Variants in ASB9 observed in about 807,000 individuals in gnomAD.
The protein encoded by ASB9 is ankyrin repeat and SOCS box containing 9.
A neutral mutation model predicts 16.6 loss-of-function variants in ASB9; 5 were observed. The ratio of observed to expected loss-of-function variants is 0.30; its 90% confidence interval spans 0.16 to 0.63. The LOEUF is 0.63. Among genes scored for constraint, ASB9 ranks in the 30% least tolerant of loss-of-function variants. The pLI is 0.82. For missense variants in ASB9, 216 were observed against 229.4 expected (o/e 0.94, Z 0.38); for synonymous variants, 100 against 86.4 (o/e 1.16, Z -0.87).
At chrX:15,255,886 CA>C (rs1263670517) in intron 2 of ASB9, among the ~76,000 whole-genome samples, 1 of 111,645 alleles carries the variant, frequency 9.0e-6, no homozygotes, top group Admixed American at 9.6e-5. Context: ...GCTCTTTAAA[CA>C]TAAGTATTTA....
intron 2 of ASB9, among the ~76,000 whole-genome samples, chrX:15,255,190 AATG>A (rs1398969945): frequency 9.0e-6 from 1 of 111,476 alleles, no homozygotes; most frequent in Non-Finnish European, 1.9e-5. Context: ...AAACAAACCA[AATG>A]TCCATCAACA....
At chrX:15,252,746 T>G (rs900421947) in intron 3 of ASB9, among the ~76,000 whole-genome samples, 1 of 112,465 alleles carries the variant, frequency 8.9e-6, no homozygotes, top group Admixed American at 9.4e-5. Flanking sequence ...TCTTAACGGG[T>G]GCAAGAAGAT....
At chrX:15,246,716 A>T (rs1422540073) in intron 6 of ASB9, among the ~76,000 whole-genome samples, 1 of 110,432 alleles carries the variant, frequency 9.1e-6, no homozygotes, top group East Asian at 2.9e-4. Flanking sequence ...TGAACTCATG[A>T]TCCACCCACC....
intron 1 of ASB9, 161 bp from the exon 2 acceptor site, chrX:15,259,106 T>A (rs1925788799): frequency 2.7e-6 from 1 of 371,937 alleles, no homozygotes; most frequent in East Asian, 4.0e-5. Flanking sequence ...CTCTTCTTTA[T>A]TAATATTTTT....
intron 1 of ASB9, among the ~76,000 whole-genome samples, chrX:15,269,378 T>C (rs1002084184): frequency 1.5e-4 from 17 of 111,886 alleles, no homozygotes; most frequent in South Asian, 7.5e-4. Context: ...TGCTCAATGT[T>C]TGAACATCTT....
chrX:15,258,894 T>C lies in ASB9; in HGVS notation c.146A>G (p.Gln49Arg). 2.5e-6 allele frequency: 3 copies of C among 1,211,349 alleles called. No homozygotes were observed. The highest frequency in any genetic ancestry group is 3.4e-6 in the Non-Finnish European group (3 of 894,883). ...GCTGATGAGGTTCCTCAGAGACAGC[T>C]GATGTCCGTGGATTGCAGCTTCATG... Reference protein sequence around the residue: ...PMHEAAIHGHQLSLRNLISQG... With the variant: ...PMHEAAIHGHRLSLRNLISQG... The change falls in exon 2 of 7, where the codon CAG (glutamine) becomes CGG (arginine). Residue 49 changes from glutamine to arginine, a missense_variant. By Grantham distance (43) the Gln-to-Arg change is conservative (BLOSUM62 1). Coordinates refer to ENST00000380488, the MANE Select transcript of ASB9 (RefSeq NM_001031739.3).
rs1005647765 is a variant in ASB9 at position 15,248,938 on chromosome X, A to G, written c.569-3T>C. 8.6e-7 allele frequency: 1 copy of G among 1,165,366 alleles called. No individual in the cohort carries two copies. ...TTTCCCTTGGTTCACGTCCGCTCCTAAACAGTCACGAGAACAAAAAAGAGT... is the reference window on the plus strand; with the variant it reads ...TTTCCCTTGGTTCACGTCCGCTCCTGAACAGTCACGAGAACAAAAAAGAGT... On this transcript the variant is annotated splice_region_variant and splice_polypyrimidine_tract_variant and intron_variant, in intron 5 of 6. Transcript: ENST00000380488.
intron 1 of ASB9, among the ~76,000 whole-genome samples, chrX:15,267,973 G>GAA (rs1926666245): frequency 9.1e-6 from 1 of 110,373 alleles, no homozygotes; most frequent in Non-Finnish European, 1.9e-5. Flanking sequence ...CAGTCAAAGG[G>GAA]AAGACGTTTT....
At chrX:15,245,306 G>C (rs1924566956) in intron 6 of ASB9, among the ~76,000 whole-genome samples, 1 of 111,077 alleles carries the variant, frequency 9.0e-6, no homozygotes, top group South Asian at 3.8e-4. Context: ...AGACATTTTT[G>C]GTTGCCAAAA....
rs746031297 is a variant in ASB9, at chrX:15,269,835, C to T, written c.40G>A (p.Ala14Thr). Residue 14 changes from alanine to threonine, a missense_variant, in exon 1 of 7, where the codon GCG becomes ACG. Coordinates refer to ENST00000380488, the MANE Select transcript of ASB9 (RefSeq NM_001031739.3). ...KQGGMDGSKP[A>T]GPRDFPGIRL... ...ATGCCAGGAAAGTCCCTTGGCCCCG[C>T]GGGCTTGCTCCCATCCATGCCCCCT... 1.3e-5 allele frequency: 16 copies of T among 1,205,579 alleles called. No individual in the cohort carries two copies. Among genetic ancestry groups the T allele is most frequent in the Admixed American group, 1.1e-4 (5 of 45,084 alleles).
chrX:15,247,079 A>G (rs1316192909), intron 6 of ASB9, among the ~76,000 whole-genome samples: 1 of 111,705 alleles, frequency 9.0e-6, no homozygotes, highest in Non-Finnish European at 1.9e-5. Context: ...CTTCCCCAGG[A>G]AACGGAGAAA....
chrX:15,244,755 C>T, intron 6 of ASB9, 125 bp from the exon 7 acceptor site: 1 of 750,352 alleles, frequency 1.3e-6, no homozygotes, highest in Non-Finnish European at 1.8e-6. Context: ...CTATTTAAGA[C>T]CATTTTCTGG....
Position 15,258,922 on chromosome X carries a change from T to C in ASB9, c.118A>G (p.Met40Val). 8.3e-7 allele frequency: 1 copy of C among 1,209,329 alleles called. No homozygotes were observed. The highest frequency in any genetic ancestry group is 1.1e-6 in the Non-Finnish European group (1 of 893,308). The change falls in exon 2 of 7, where the codon ATG becomes GTG. Residue 40 changes from methionine to valine, a missense_variant. Coordinates refer to ENST00000380488, the MANE Select transcript of ASB9 (RefSeq NM_001031739.3). The stretch of plus-strand genomic sequence containing the variant: ...TGTCCGTGGATTGCAGCTTCATGCA[T>C]AGGAGACCAATCAGACACAGCATCT... ...MGDAVSDWSP[M>V]HEAAIHGHQL...
chrX:15,252,496 TC>T, intron 3 of ASB9, 92 bp from the exon 4 acceptor site: 7 of 878,188 alleles, frequency 8.0e-6, no homozygotes, highest in Non-Finnish European at 1.1e-5. Flanking sequence ...ATTTAACATC[TC>T]TGAGCCTTAA....
chrX:15,264,956 A>T lies in ASB9; in HGVS notation c.94+4825T>A, dbSNP rs182432573. Among the ~76,000 whole-genome samples the T allele has an allele frequency of 2.7e-5, 3 of 111,532 alleles. No individual in the cohort carries two copies. The East Asian group carries it at 8.5e-4, about 32-fold the overall frequency. Reference sequence around the variant, plus strand: ...AGAAACCAGAAGTATCCAGGCACCTACCCTTGTGACTTCTACTTCTTTGAA... The same window carrying T: ...AGAAACCAGAAGTATCCAGGCACCTTCCCTTGTGACTTCTACTTCTTTGAA... On this transcript the variant is annotated intron_variant, in intron 1 of 6. Coordinates refer to ENST00000380488, the MANE Select transcript of ASB9 (RefSeq NM_001031739.3).
At chrX:15,259,534 G>A (rs1925814261) in intron 1 of ASB9, among the ~76,000 whole-genome samples, 1 of 112,945 alleles carries the variant, frequency 8.9e-6, no homozygotes, top group Non-Finnish European at 1.9e-5. Flanking sequence ...AAGGCAGCAT[G>A]CCAAGGTGGT....
rs1346289972 is a variant in ASB9, at chrX:15,259,211, TTACTC to T, written c.95-271_95-267del. 4 of 263,944 alleles carry T rather than the reference TTACTC, an allele frequency of 1.5e-5. No homozygotes were observed. In the Admixed American group the frequency reaches 1.8e-4, roughly 12 times the overall value. The allele number at this position is 263,944 out of a possible 1,213,427, so 21.8% of individuals were successfully genotyped here. On this transcript the variant is annotated intron_variant, in intron 1 of 6. Coordinates refer to ENST00000380488, the MANE Select transcript of ASB9 (RefSeq NM_001031739.3). Reference sequence around the variant, plus strand: ...AAAAGAGGTGGATTGGGATGACAGATTACTCTATTTCTATTTACACACTGGTTTCA... The same window carrying T: ...AAAAGAGGTGGATTGGGATGACAGATTATTTCTATTTACACACTGGTTTCA...
At chrX:15,270,253 A>G (rs1926877339), upstream of ASB9, 1 of 130,976 alleles carries the variant, frequency 7.6e-6, no homozygotes, top group African/African-American at 3.2e-5. Context: ...AAGGAAACTC[A>G]GTTTGTAACT....
intron 3 of ASB9, among the ~76,000 whole-genome samples, chrX:15,254,180 T>G (rs1029117812): frequency 8.9e-6 from 1 of 112,380 alleles, no homozygotes; most frequent in Non-Finnish European, 1.9e-5. Context: ...TACTCTACTG[T>G]CCTGCCGTAA....
Sources: gnomAD v4.1 joint callset for allele counts (sites outside exome capture counted in the v4.1 genomes callset) on GRCh38, gnomAD v4.1.1 for gene constraint, MANE v1.5 for transcripts, NCBI Gene and HGNC (gene_info 2026-07-23, HGNC 2026-07-21) for gene names.